The following NKAIN2 variants were observed in gnomAD, a reference collection of about 807,000 sequenced individuals.
The protein encoded by NKAIN2 is sodium/potassium-transporting ATPase subunit beta-1-interacting protein 2.
A neutral mutation model predicts 32.6 loss-of-function variants in NKAIN2; 14 were observed. The observed-to-expected ratio is 0.43, with a 90% confidence interval of 0.28 to 0.67. The LOEUF (loss-of-function observed/expected upper bound fraction) is 0.67. Ranked by LOEUF, NKAIN2 falls within the 30% of genes least tolerant of loss-of-function variation. NKAIN2 has a pLI of 0.17. For missense variants in NKAIN2, 198 were observed against 258.3 expected (o/e 0.77, Z 1.60); for synonymous variants, 80 against 87.2 (o/e 0.92, Z 0.46).
At chr6:124,329,842 A>G (rs1797582638) in intron 2 of NKAIN2, among the ~76,000 whole-genome samples, 1 of 152,222 alleles carries the variant, frequency 6.6e-6, no homozygotes, top group African/African-American at 2.4e-5. Flanking sequence ...GTAGCAATAC[A>G]GTATTTTCTA....
At chr6:124,584,172 A>G (rs1228836491) in intron 3 of NKAIN2, among the ~76,000 whole-genome samples, 5 of 152,246 alleles carry the variant, frequency 3.3e-5, no homozygotes, top group Non-Finnish European at 7.3e-5. Context: ...AATCTTCTGC[A>G]CTGCAAAGGA....
At chr6:124,482,270 C>T (rs775555064) in intron 3 of NKAIN2, among the ~76,000 whole-genome samples, 1 of 152,094 alleles carries the variant, frequency 6.6e-6, no homozygotes. Flanking sequence ...GTGGTTGGCA[C>T]CTTATAATAA....
intron 2 of NKAIN2, among the ~76,000 whole-genome samples, chr6:124,291,519 TC>T: frequency 6.6e-6 from 1 of 152,128 alleles, no homozygotes; most frequent in Admixed American, 6.6e-5. Flanking sequence ...AGTCCCTTTC[TC>T]TGAAGTTCAC....
chr6:123,959,378 A>T (rs1777739090), intron 1 of NKAIN2, among the ~76,000 whole-genome samples: 1 of 152,114 alleles, frequency 6.6e-6, no homozygotes, highest in Admixed American at 6.6e-5. Flanking sequence ...GTGGCGGCCT[A>T]CTCTGCCAGG....
intron 4 of NKAIN2, among the ~76,000 whole-genome samples, chr6:124,670,779 C>A (rs1773063121): frequency 6.6e-6 from 1 of 151,778 alleles, no homozygotes; most frequent in African/African-American, 2.4e-5. Context: ...TGTTGCCTGG[C>A]TTTGTTTCAC....
intron 1 of NKAIN2, among the ~76,000 whole-genome samples, chr6:123,985,055 G>C (rs1292951995): frequency 6.6e-6 from 1 of 152,110 alleles, no homozygotes; most frequent in Non-Finnish European, 1.5e-5. Context: ...GTACAGGTGA[G>C]CAATGATGTA....
rs1479436489 is a variant in NKAIN2 at position 123,827,927 on chromosome 6, A to G, written c.54+23673A>G. Among the ~76,000 whole-genome samples the G allele has an allele frequency of 2.6e-5, 4 of 151,706 alleles. No homozygotes were observed. In the East Asian group the frequency reaches 5.8e-4, roughly 22 times the overall value. On this transcript the variant is annotated intron_variant, in intron 1 of 6. Coordinates refer to ENST00000368417, the MANE Select transcript of NKAIN2 (RefSeq NM_001040214.3). ...TATATATGTCATATATATATATGCA[A>G]GTTCCTTTGTCTGACTTAAAAGACT...
chr6:124,020,873 GA>G (rs2114759203), intron 1 of NKAIN2, among the ~76,000 whole-genome samples: 1 of 152,146 alleles, frequency 6.6e-6, no homozygotes, highest in African/African-American at 2.4e-5. Context: ...ATAAACAGAT[GA>G]TCAAGATATC....
chr6:124,222,001 A>C (rs1791858785), intron 1 of NKAIN2, among the ~76,000 whole-genome samples: 1 of 152,164 alleles, frequency 6.6e-6, no homozygotes, highest in Admixed American at 6.5e-5. Flanking sequence ...TCACTCTGAT[A>C]AGTCTGGAAG....
intron 3 of NKAIN2, among the ~76,000 whole-genome samples, chr6:124,551,555 C>G (rs150450537): frequency 3.3e-5 from 5 of 152,104 alleles, no homozygotes; most frequent in East Asian, 1.9e-4. Context: ...CTGATAATTT[C>G]TTAAGCAGTT....
At chr6:123,946,872 C>A (rs1777085259) in intron 1 of NKAIN2, among the ~76,000 whole-genome samples, 1 of 152,290 alleles carries the variant, frequency 6.6e-6, no homozygotes, top group Non-Finnish European at 1.5e-5. Context: ...ACCCCATGAA[C>A]AGACATCAGG....
rs142129414 is a variant in NKAIN2, at chr6:124,044,985, G to A, written c.55-238020G>A. 4.9e-4 allele frequency among the ~76,000 whole-genome samples: 74 copies of A among 151,986 alleles called. No individual in the cohort carries two copies. The East Asian group carries it at 5.2e-3, about 11-fold the overall frequency. On this transcript the variant is annotated intron_variant, in intron 1 of 6. Transcript: ENST00000368417. ...GACTCCCACAGGCACCCAAAACTGC[G>A]TTTTCTGATATTTTGGAAGAGTAGA...
intron 1 of NKAIN2, among the ~76,000 whole-genome samples, chr6:123,942,737 A>G (rs902322166): frequency 5.3e-5 from 8 of 152,026 alleles, no homozygotes; most frequent in African/African-American, 1.9e-4. Flanking sequence ...TTGACTTGTC[A>G]TCGTGGAAGA....
At chr6:124,048,227 G>A (rs922370975) in intron 1 of NKAIN2, among the ~76,000 whole-genome samples, 18 of 152,016 alleles carry the variant, frequency 1.2e-4, no homozygotes, top group African/African-American at 4.3e-4. Context: ...ATAATATTAA[G>A]CTACACTCTA....
intron 3 of NKAIN2, among the ~76,000 whole-genome samples, chr6:124,365,368 T>C (rs986388083): frequency 6.6e-6 from 1 of 151,896 alleles, no homozygotes; most frequent in Non-Finnish European, 1.5e-5. Flanking sequence ...AATATAGTTT[T>C]TGTAGATTTG....
At chr6:124,159,498 G>A (rs802270) in intron 1 of NKAIN2, among the ~76,000 whole-genome samples, 129,957 of 152,086 alleles carry the variant, frequency 0.85, 55,682 homozygotes, top group South Asian at 0.89. Context: ...CTTCTTAGAT[G>A]TAAAATTTCT....
chr6:123,975,544 A>G (rs1010505448), intron 1 of NKAIN2, among the ~76,000 whole-genome samples: 1 of 152,176 alleles, frequency 6.6e-6, no homozygotes, highest in African/African-American at 2.4e-5. Flanking sequence ...GGACTGCTGT[A>G]ACAAAATATC....
At chr6:124,734,499 G>A (rs750226366) in intron 4 of NKAIN2, among the ~76,000 whole-genome samples, 2 of 151,654 alleles carry the variant, frequency 1.3e-5, no homozygotes, top group Non-Finnish European at 2.9e-5. Flanking sequence ...TTCAAAATTT[G>A]ATCCCAGATT....
At chr6:124,058,529 T>C (rs1782774675) in intron 1 of NKAIN2, among the ~76,000 whole-genome samples, 1 of 152,018 alleles carries the variant, frequency 6.6e-6, no homozygotes, top group Non-Finnish European at 1.5e-5. Context: ...CCAATATTAG[T>C]AGGCACCTCA....
Sources: allele counts gnomAD v4.1 joint callset (sites outside exome capture counted in the v4.1 genomes callset), GRCh38; gene constraint gnomAD v4.1.1; transcripts MANE v1.5; gene names NCBI Gene and HGNC (gene_info 2026-07-23, HGNC 2026-07-21).